GABRA1: variants seen among roughly 807,000 people sequenced by gnomAD.
The protein encoded by GABRA1 is gamma-aminobutyric acid receptor subunit alpha-1.
GABRA1 carries 9 observed loss-of-function variants against 48.9 expected under a neutral mutation model. The observed-to-expected ratio is 0.18, with a 90% CI of 0.11 to 0.32. The LOEUF (loss-of-function observed/expected upper bound fraction) is 0.32, where lower values mean the gene tolerates loss of function less well. GABRA1 is among the 10% of genes least tolerant of loss of function. The pLI is 1.00. For synonymous variants in GABRA1, 210 were observed against 198.7 expected (o/e 1.06, Z -0.48); for missense variants, 285 against 553.8 (o/e 0.51, Z 4.87).
At chr5:161,878,698 T>A (rs934685848) in intron 6 of GABRA1, among the ~76,000 whole-genome samples, 2 of 152,144 alleles carry the variant, frequency 1.3e-5, no homozygotes, top group African/African-American at 4.8e-5. Context: ...CCGAGGGCAA[T>A]GTGCATGATA....
At chr5:161,861,377 T>G (rs1039386057) in intron 3 of GABRA1, among the ~76,000 whole-genome samples, 31 of 151,882 alleles carry the variant, frequency 2.0e-4, no homozygotes, top group Admixed American at 6.6e-5. Context: ...ATATACATTT[T>G]TTTCTAAAGA....
chr5:161,894,465 G>C (rs1006485307), intron 8 of GABRA1, among the ~76,000 whole-genome samples: 1 of 152,070 alleles, frequency 6.6e-6, no homozygotes, highest in Non-Finnish European at 1.5e-5. Flanking sequence ...TTTCAACAAT[G>C]GTATAGACAG....
At chr5:161,857,156 G>C (rs949538045) in intron 3 of GABRA1, among the ~76,000 whole-genome samples, 1 of 151,302 alleles carries the variant, frequency 6.6e-6, no homozygotes, top group Admixed American at 6.6e-5. Flanking sequence ...GTAATTTTAT[G>C]ATCACAGCTA....
intron 6 of GABRA1, among the ~76,000 whole-genome samples, chr5:161,879,104 T>A (rs1439687426): frequency 6.6e-6 from 1 of 152,198 alleles, no homozygotes. Flanking sequence ...CTTGTCTTTT[T>A]TATTTTATTA....
intron 4 of GABRA1, among the ~76,000 whole-genome samples, chr5:161,870,649 G>A (rs943011970): frequency 7.3e-5 from 11 of 150,984 alleles, no homozygotes; most frequent in Admixed American, 7.3e-4. Context: ...AAGAAAGAAA[G>A]AAAAAGAAAG....
chr5:161,892,599 A>G, intron 8 of GABRA1, among the ~76,000 whole-genome samples: 1 of 152,186 alleles, frequency 6.6e-6, no homozygotes, highest in Non-Finnish European at 1.5e-5. Context: ...TTAGCAATGA[A>G]CTCACTAAAG....
intron 3 of GABRA1, among the ~76,000 whole-genome samples, chr5:161,862,102 T>G (rs1264010472): frequency 3.3e-5 from 5 of 151,900 alleles, no homozygotes; most frequent in Non-Finnish European, 5.9e-5. Context: ...CCTCCATTTT[T>G]TTTATTACAG....
intron 6 of GABRA1, chr5:161,882,266 A>G (rs1754649829): frequency 4.6e-6 from 2 of 433,428 alleles, no homozygotes; most frequent in African/African-American, 4.0e-5. Flanking sequence ...TACAATGCAT[A>G]TTCCATAAGA....
intron 1 of GABRA1, chr5:161,850,350 C>T (rs2113291096): frequency 5.9e-6 from 2 of 340,980 alleles, no homozygotes; most frequent in East Asian, 4.5e-5. Flanking sequence ...CCTATCCCCT[C>T]CAATCCCTAA....
At position 161,898,055 on chromosome 5, in the gene GABRA1, A is replaced by T. The variant is rs1025497118; in HGVS notation, c.*633A>T. The T allele has an allele frequency of 6.6e-6, 1 of 152,050 alleles. No individual in the cohort carries two copies. The highest frequency in any genetic ancestry group is 1.5e-5 in the Non-Finnish European group (1 of 68,068). 9.4% of individuals were successfully genotyped at this position (152,050 alleles called of 1,614,324 possible). The stretch of plus-strand genomic sequence containing the variant: ...CTATTTTAAAATTCATGGAACTTTC[A>T]TACGTAAAGGTGCAGTTGCTCATTG... On this transcript the variant is annotated 3_prime_UTR_variant, in exon 10 of 10. Coordinates refer to ENST00000393943, the MANE Select transcript of GABRA1 (RefSeq NM_001127644.2).
intron 4 of GABRA1, among the ~76,000 whole-genome samples, chr5:161,866,235 A>G (rs1051043491): frequency 1.3e-5 from 2 of 152,126 alleles, no homozygotes; most frequent in African/African-American, 4.8e-5. Context: ...AAAGTTGGCC[A>G]GAATTAGACA....
intron 3 of GABRA1, among the ~76,000 whole-genome samples, chr5:161,864,964 T>C (rs1398153405): frequency 1.3e-5 from 2 of 152,062 alleles, no homozygotes; most frequent in Non-Finnish European, 2.9e-5. Context: ...TTGTTCCTTT[T>C]CTGAAAGCAT....
chr5:161,870,840 T>C (rs1754082945), intron 4 of GABRA1, among the ~76,000 whole-genome samples: 1 of 152,106 alleles, frequency 6.6e-6, no homozygotes, highest in African/African-American at 2.4e-5. Context: ...ATTTACACTG[T>C]TGGTTAGGCA....
chr5:161,884,925 G>T (rs1183170280), intron 7 of GABRA1, among the ~76,000 whole-genome samples: 1 of 152,034 alleles, frequency 6.6e-6, no homozygotes, highest in Non-Finnish European at 1.5e-5. Flanking sequence ...GCTTTCAAGG[G>T]ATTCAACCTG....
At chr5:161,865,509 A>G (rs572695337) in intron 3 of GABRA1, among the ~76,000 whole-genome samples, 1 of 152,142 alleles carries the variant, frequency 6.6e-6, no homozygotes, top group Non-Finnish European at 1.5e-5. Flanking sequence ...TCTGCCTCCC[A>G]AAGTGGCATA....
chr5:161,882,749 T>A (rs1198612208), intron 7 of GABRA1, 48 bp downstream of exon 7: 2 of 1,558,924 alleles, frequency 1.3e-6, no homozygotes, highest in Non-Finnish European at 1.8e-6. Context: ...AGAAGAATAA[T>A]ATTTTGTGAG....
intron 5 of GABRA1, among the ~76,000 whole-genome samples, chr5:161,874,359 T>C (rs1238439462): frequency 6.6e-6 from 1 of 152,116 alleles, no homozygotes; most frequent in Non-Finnish European, 1.5e-5. Context: ...ATCTAAAAGA[T>C]AGAAATAGAG....
chr5:161,889,961 T>C, intron 7 of GABRA1, among the ~76,000 whole-genome samples: 1 of 152,108 alleles, frequency 6.6e-6, no homozygotes, highest in Admixed American at 6.6e-5. Flanking sequence ...ACATCAAAAT[T>C]TAGGAAAAAT....
Position 161,877,462 on chromosome 5 carries a change from G to A in GABRA1, c.559+1820G>A, listed in dbSNP as rs12520770. Among the ~76,000 whole-genome samples the A allele has an allele frequency of 4.9e-3, 740 of 152,252 alleles. 4 individuals are homozygous for A. Among genetic ancestry groups the A allele is most frequent in the Middle Eastern group, 0.014 (4 of 294 alleles). On this transcript the variant is annotated intron_variant, in intron 6 of 9. Coordinates refer to ENST00000393943, the MANE Select transcript of GABRA1 (RefSeq NM_001127644.2). The stretch of plus-strand genomic sequence containing the variant: ...AGGCCACTGTCTTAAGATGTCTTTA[G>A]ATATTCTTTCTCATCACAAGATGGC...
Sources: allele counts gnomAD v4.1 joint callset (sites outside exome capture counted in the v4.1 genomes callset), GRCh38; gene constraint gnomAD v4.1.1; transcripts MANE v1.5; gene names NCBI Gene and HGNC (gene_info 2026-07-23, HGNC 2026-07-21).